The following RALGAPA1 variants were observed in gnomAD, a reference collection of about 807,000 sequenced individuals.
RALGAPA1 encodes the protein ral GTPase-activating protein subunit alpha-1.
In RALGAPA1, 52 loss-of-function variants were observed where a neutral mutation model predicts 269.6. The observed-to-expected ratio is 0.19, with a 90% CI of 0.15 to 0.24. The LOEUF (loss-of-function observed/expected upper bound fraction) is 0.24. RALGAPA1 is among the 10% of genes least tolerant of loss of function. RALGAPA1 has a pLI of 1.00. For missense variants in RALGAPA1, 1,917 were observed against 3,013.9 expected, an observed-to-expected ratio of 0.64 and a Z score of 8.52; for synonymous variants, 817 against 1,008.3, an observed-to-expected ratio of 0.81 and a Z score of 3.60.
chr14:35,679,958 T>A (rs951974403), intron 21 of RALGAPA1, among the ~76,000 whole-genome samples: 2 of 152,112 alleles, frequency 1.3e-5, no homozygotes, highest in African/African-American at 2.4e-5. Flanking sequence ...TTGGAGTAAA[T>A]TCATATGGCA....
At chr14:35,628,975 C>T (rs1054951335) in intron 33 of RALGAPA1, among the ~76,000 whole-genome samples, 19 of 151,472 alleles carry the variant, frequency 1.3e-4, no homozygotes, top group Non-Finnish European at 1.0e-4. Context: ...ATGTCAGAAT[C>T]TGAAGGAGGA....
intron 7 of RALGAPA1, among the ~76,000 whole-genome samples, chr14:35,753,774 C>A (rs928149830): frequency 2.0e-5 from 3 of 152,032 alleles, no homozygotes; most frequent in African/African-American, 7.2e-5. Context: ...GCTGTGTAAC[C>A]CTGTGAATAC....
chr14:35,798,871 C>T (rs190599951), intron 1 of RALGAPA1, among the ~76,000 whole-genome samples: 1 of 152,114 alleles, frequency 6.6e-6, no homozygotes, highest in African/African-American at 2.4e-5. Flanking sequence ...TGGTACATGC[C>T]TGTAATCCCA....
At chr14:35,798,023 C>T (rs1262669402) in intron 1 of RALGAPA1, among the ~76,000 whole-genome samples, 1 of 151,452 alleles carries the variant, frequency 6.6e-6, no homozygotes, top group South Asian at 2.1e-4. Flanking sequence ...CAGGCGGCTG[C>T]CACCACATCT....
At chr14:35,652,473 A>C (rs1424126467) in intron 30 of RALGAPA1, among the ~76,000 whole-genome samples, 1 of 151,914 alleles carries the variant, frequency 6.6e-6, no homozygotes, top group Non-Finnish European at 1.5e-5. Flanking sequence ...CCCAGGCTGG[A>C]GTGCAGTGGA....
chr14:35,691,904 T>C (rs1202853966), intron 17 of RALGAPA1, among the ~76,000 whole-genome samples: 1 of 152,158 alleles, frequency 6.6e-6, no homozygotes, highest in East Asian at 1.9e-4. Context: ...AAAAATGACA[T>C]TGTTTTTCTT....
intron 16 of RALGAPA1, among the ~76,000 whole-genome samples, chr14:35,717,823 G>A (rs1388435572): frequency 6.6e-6 from 1 of 151,920 alleles, no homozygotes; most frequent in Non-Finnish European, 1.5e-5. Flanking sequence ...CTCCCAAAAT[G>A]CTGGGATTAC....
At chr14:35,582,957 A>G (rs2058046660) in intron 37 of RALGAPA1, among the ~76,000 whole-genome samples, 1 of 152,180 alleles carries the variant, frequency 6.6e-6, no homozygotes, top group Non-Finnish European at 1.5e-5. Flanking sequence ...TGATGGGACA[A>G]TGGAGTGCCT....
chr14:35,718,677 G>A (rs891369064), intron 16 of RALGAPA1, among the ~76,000 whole-genome samples: 5 of 151,922 alleles, frequency 3.3e-5, no homozygotes, highest in Admixed American at 1.3e-4. Context: ...TTAGCCAGGC[G>A]TGGTGGCATG....
At chr14:35,742,337 A>C (rs753632383) in intron 11 of RALGAPA1, 31 bp downstream of exon 11, 4 of 1,453,018 alleles carry the variant, frequency 2.8e-6, no homozygotes, top group Non-Finnish European at 1.9e-6. Flanking sequence ...TATTAGACTA[A>C]CACTAAAATA....
intron 3 of RALGAPA1, 65 bp downstream of exon 3, chr14:35,774,941 T>C (rs886468927): frequency 1.1e-6 from 1 of 932,504 alleles, no homozygotes; most frequent in South Asian, 1.5e-5. Context: ...AATTTAAATA[T>C]ATTCCTTTGT....
At chr14:35,802,461 A>G (rs984619672) in intron 1 of RALGAPA1, among the ~76,000 whole-genome samples, 1 of 152,186 alleles carries the variant, frequency 6.6e-6, no homozygotes, top group East Asian at 1.9e-4. Flanking sequence ...GAAAGTATTT[A>G]GGTATAAGTC....
rs550386292 is a variant in RALGAPA1, at chr14:35,629,948, GTAAACTATACCTCAA to G, written c.5996-2012_5996-1998del. Among the ~76,000 whole-genome samples, 81 of 151,976 alleles carry G rather than the reference GTAAACTATACCTCAA, an allele frequency of 5.3e-4. 1 individual carries two copies. The highest frequency in any genetic ancestry group is 1.9e-3 in the African/African-American group (77 of 41,388). On this transcript the variant is annotated intron_variant, in intron 33 of 41. Transcript: ENST00000680220. Reference sequence around the variant, plus strand: ...ATCAAAAAAGAATATTTTATTTTATGTAAACTATACCTCAATAAACCTAACTTTAAAAAAAAAGGG... The same window carrying G: ...ATCAAAAAAGAATATTTTATTTTATGTAAACCTAACTTTAAAAAAAAAGGG...
chr14:35,554,338 C>CTT lies in RALGAPA1; in HGVS notation c.7497-5106_7497-5105dup, dbSNP rs869302363. ...CTTGTTCTTCTACTAAATACACTTT[C>CTT]TTTTTTTTTTTTTTTTTTTTTTTTT... On this transcript the variant is annotated intron_variant, in intron 39 of 41. Transcript: ENST00000680220. 2.2e-3 allele frequency among the ~76,000 whole-genome samples: 185 copies of CTT among 85,772 alleles called. 16 individuals carry two copies. Among genetic ancestry groups the CTT allele is most frequent in the African/African-American group, 7.1e-3 (125 of 17,698 alleles). 56.3% of individuals were successfully genotyped at this position (85,772 alleles called of 152,430 possible).
intron 39 of RALGAPA1, among the ~76,000 whole-genome samples, chr14:35,568,718 G>C (rs1410961045): frequency 6.6e-6 from 1 of 152,040 alleles, no homozygotes; most frequent in Non-Finnish European, 1.5e-5. Context: ...AAAACTCAAG[G>C]GTCTTCTTGA....
At chr14:35,789,831 A>C (rs1393980569) in intron 1 of RALGAPA1, among the ~76,000 whole-genome samples, 2 of 152,214 alleles carry the variant, frequency 1.3e-5, no homozygotes, top group African/African-American at 4.8e-5. Flanking sequence ...GTCAACCACA[A>C]AACACCAGGG....
At chr14:35,656,800 G>A (rs560619351) in intron 28 of RALGAPA1, among the ~76,000 whole-genome samples, 5 of 152,232 alleles carry the variant, frequency 3.3e-5, no homozygotes, top group Non-Finnish European at 4.4e-5. Flanking sequence ...TTACCTGAAA[G>A]TCTTCTAGAT....
intron 39 of RALGAPA1, among the ~76,000 whole-genome samples, chr14:35,560,273 T>C (rs774474840): frequency 6.6e-6 from 1 of 152,182 alleles, no homozygotes; most frequent in Non-Finnish European, 1.5e-5. Flanking sequence ...TATTATCTGG[T>C]TTTGACCTAC....
intron 29 of RALGAPA1, among the ~76,000 whole-genome samples, 178 bp from the exon 30 acceptor site, chr14:35,654,655 C>T (rs1294698887): frequency 6.6e-6 from 1 of 152,152 alleles, no homozygotes; most frequent in Non-Finnish European, 1.5e-5. Flanking sequence ...TCCAAAGACA[C>T]ATACAACTTT....
Sources: allele counts gnomAD v4.1 joint callset (sites outside exome capture counted in the v4.1 genomes callset), GRCh38; gene constraint gnomAD v4.1.1; transcripts MANE v1.5; gene names NCBI Gene and HGNC (gene_info 2026-07-23, HGNC 2026-07-21).